Variants in POR observed in about 807,000 individuals in gnomAD.
POR encodes cytochrome p450 oxidoreductase.
POR carries 56 observed loss-of-function variants against 84.0 expected under a neutral mutation model. That is an observed-to-expected ratio of 0.67 (90% confidence interval 0.54 to 0.83). POR has a LOEUF of 0.83. Among genes scored for constraint, POR ranks in the 40% least tolerant of loss-of-function variants. The pLI is 0.00. For missense variants in POR, 938 were observed against 944.3 expected (o/e 0.99, Z 0.09); for synonymous variants, 414 against 400.5 (o/e 1.03, Z -0.40).
At chr7:75,983,479 A>G (rs1789186439) in intron 8 of POR, 41 bp from the exon 9 acceptor site, 2 of 1,451,806 alleles carry the variant, frequency 1.4e-6, no homozygotes, top group Non-Finnish European at 1.9e-6. Context: ...ACTCAGATCA[A>G]AGCCCCGGCC....
chr7:75,980,464 G>T lies in POR; in HGVS notation c.492G>T (p.Val164=). The T allele has an allele frequency of 6.2e-7, 1 of 1,613,052 alleles. No individual in the cohort carries two copies. The highest frequency in any genetic ancestry group is 8.5e-7 in the Non-Finnish European group (1 of 1,179,850). Residue 164 remains valine, a synonymous_variant, in exon 5 of 16, where the codon GTG becomes GTT. Coordinates refer to ENST00000461988, the MANE Select transcript of POR (RefSeq NM_000941.3). ...ACGACTGGCTGCAGGAGACAGACGT[G>T]GATCTCTCTGGGGTCAAGTTCGCGG...
intron 1 of POR, among the ~76,000 whole-genome samples, chr7:75,950,161 T>C (rs1355892252): frequency 6.6e-6 from 1 of 152,150 alleles, no homozygotes; most frequent in Non-Finnish European, 1.5e-5. Context: ...TGGGCCACCG[T>C]GCCCGGACGA....
chr7:75,978,545 T>C (rs1222478182), intron 3 of POR, among the ~76,000 whole-genome samples: 1 of 152,132 alleles, frequency 6.6e-6, no homozygotes, highest in Non-Finnish European at 1.5e-5. Context: ...TTTTTTGTGA[T>C]GGAGTTTTGC....
chr7:75,982,518 C>G (rs1789119652), intron 8 of POR, among the ~76,000 whole-genome samples, 196 bp downstream of exon 8: 1 of 152,228 alleles, frequency 6.6e-6, no homozygotes, highest in Non-Finnish European at 1.5e-5. Flanking sequence ...GTACTGAGCT[C>G]ACTTAGCCAC....
In POR at chr7:75,985,904, C is replaced by G. The variant is rs1406995630; in HGVS notation, c.1670-19C>G. 6.4e-7 allele frequency: 1 copy of G among 1,570,212 alleles called. No individual in the cohort carries two copies. The highest frequency in any genetic ancestry group is 1.3e-5 in the African/African-American group (1 of 74,238). On this transcript the variant is annotated intron_variant, in intron 13 of 15. Coordinates refer to ENST00000461988, the MANE Select transcript of POR (RefSeq NM_000941.3). ...TGACGACTGGGAGCCCCGCGCTCAC[C>G]CCGGCCCCTGCCACGCAGGCAAGGA... is the stretch of plus-strand genomic sequence containing the variant.
chr7:75,962,545 C>T (rs1355847649), intron 2 of POR, among the ~76,000 whole-genome samples: 2 of 152,170 alleles, frequency 1.3e-5, no homozygotes, highest in Admixed American at 1.3e-4. Context: ...TCAAGTGATC[C>T]TCTTGCCTCA....
chr7:75,981,053 TG>T lies in POR; in HGVS notation c.524del (p.Gly175ValfsTer82). On this transcript the variant is annotated frameshift_variant, in exon 6 of 16. Transcript: ENST00000461988. LOFTEE classifies it high-confidence loss of function. ...CGGCCCCTGTGTCCACGCAGGTGTT[TG>T]GTCTTGGGAACAAGACCTACGAGCA... 1 of 1,573,350 alleles carries T rather than the reference TG, an allele frequency of 6.4e-7. No individual in the cohort carries two copies. The highest frequency in any genetic ancestry group is 8.6e-7 in the Non-Finnish European group (1 of 1,158,586).
At chr7:75,974,524 C>CTTTTTTTTTTTTTTT (rs1238804117) in intron 3 of POR, among the ~76,000 whole-genome samples, 4 of 107,910 alleles carry the variant, frequency 3.7e-5, no homozygotes, top group African/African-American at 1.1e-4. Flanking sequence ...TTTTTCTTTT[C>CTTTTTTTTTTTTTTT]TTTTTTTTTT....
At chr7:75,984,275 T>C (rs1293716693) in intron 10 of POR, among the ~76,000 whole-genome samples, 2 of 152,028 alleles carry the variant, frequency 1.3e-5, no homozygotes, top group East Asian at 1.9e-4. Flanking sequence ...TGGTGCCGAG[T>C]GGCAGTAGCC....
intron 1 of POR, among the ~76,000 whole-genome samples, chr7:75,917,574 G>A (rs3898649): frequency 0.43 from 66,051 of 151,856 alleles, 18,996 homozygotes; most frequent in African/African-American, 0.82. Context: ...TTAACTTTCT[G>A]TTATATGTCA....
At chr7:75,957,426 G>A (rs1787735753) in intron 2 of POR, among the ~76,000 whole-genome samples, 1 of 152,180 alleles carries the variant, frequency 6.6e-6, no homozygotes, top group South Asian at 2.1e-4. Context: ...TAGTACTCAA[G>A]ATAAAGAGAC....
At chr7:75,981,982 A>G (rs1330277078) in intron 7 of POR, 1 of 564,652 alleles carries the variant, frequency 1.8e-6, no homozygotes, top group Non-Finnish European at 3.2e-6. Context: ...CCCAGATGGA[A>G]GCCTGCCCAG....
intron 3 of POR, 44 bp downstream of exon 3, chr7:75,972,505 C>A (rs1554556340): frequency 2.0e-6 from 3 of 1,526,476 alleles, no homozygotes; most frequent in Non-Finnish European, 2.7e-6. Flanking sequence ...AAGCCTCGGC[C>A]CCGATGGGCA....
At chr7:75,943,520 A>C (rs1268063002) in intron 1 of POR, among the ~76,000 whole-genome samples, 1 of 152,148 alleles carries the variant, frequency 6.6e-6, no homozygotes, top group Non-Finnish European at 1.5e-5. Flanking sequence ...AATAGATTCA[A>C]ATTTTTTGCA....
At chr7:75,940,929 G>C (rs368378308) in intron 1 of POR, among the ~76,000 whole-genome samples, 1 of 152,220 alleles carries the variant, frequency 6.6e-6, no homozygotes, top group African/African-American at 2.4e-5. Context: ...GGGAGGCCAA[G>C]GTGCGAGGAT....
chr7:75,933,615 T>C (rs1276536788), intron 1 of POR, among the ~76,000 whole-genome samples: 1 of 152,174 alleles, frequency 6.6e-6, no homozygotes, highest in Non-Finnish European at 1.5e-5. Flanking sequence ...GGTTTCTAAC[T>C]CCTGACCTCA....
intron 1 of POR, among the ~76,000 whole-genome samples, chr7:75,924,418 A>G (rs910791668): frequency 1.3e-5 from 2 of 152,220 alleles, no homozygotes; most frequent in Non-Finnish European, 2.9e-5. Flanking sequence ...ACAGTGGCTC[A>G]TGCTTATAAT....
intron 3 of POR, among the ~76,000 whole-genome samples, chr7:75,976,441 TA>T (rs10647973): frequency 0.29 from 42,903 of 146,094 alleles, 6,281 homozygotes; most frequent in South Asian, 0.39. Flanking sequence ...AGATTCCATC[TA>T]AAAAAAAAAA....
rs868927799 is a variant in POR, at chr7:75,985,988, C to T, written c.1735C>T (p.Arg579Trp). 2.2e-5 allele frequency: 34 copies of T among 1,579,194 alleles called. No homozygotes were observed. The highest frequency in any genetic ancestry group is 3.3e-4 in the Middle Eastern group (2 of 6,034). The stretch of plus-strand genomic sequence containing the variant: ...CCGCTCGGATGAGGACTACCTGTAC[C>T]GGGAGGAGCTGGCGCAGTTCCACAG... The change falls in exon 14 of 16, where the codon CGG becomes TGG. Residue 579 changes from arginine (R) to tryptophan (W), a missense_variant. Physicochemically the swap from Arg to Trp is moderately radical, Grantham distance 101. Coordinates refer to ENST00000461988, the MANE Select transcript of POR (RefSeq NM_000941.3).
Sources: gnomAD v4.1 joint callset for allele counts (sites outside exome capture counted in the v4.1 genomes callset) on GRCh38, gnomAD v4.1.1 for gene constraint, MANE v1.5 for transcripts, NCBI Gene and HGNC (gene_info 2026-07-23, HGNC 2026-07-21) for gene names.